EVC2: variants seen among roughly 807,000 people sequenced by gnomAD.
The protein encoded by EVC2 is EvC ciliary complex subunit 2, also known as limbin.
In EVC2, 148 loss-of-function variants were observed where a neutral mutation model predicts 149.3. That is an observed-to-expected ratio of 0.99 (90% CI 0.87 to 1.14). The LOEUF (loss-of-function observed/expected upper bound fraction) is 1.14, where lower values mean the gene tolerates loss of function less well. EVC2 is among the 50% of genes most tolerant of loss of function. EVC2 has a pLI of 0.00. For synonymous variants in EVC2, 776 were observed against 649.9 expected, an observed-to-expected ratio of 1.19 and a Z score of -2.95; for missense variants, 1,854 against 1,627.3, an observed-to-expected ratio of 1.14 and a Z score of -2.40.
Position 5,657,151 on chromosome 4 carries a change from CG to C in EVC2, c.1145+5955del, listed in dbSNP as rs1560201577. The stretch of plus-strand genomic sequence containing the variant: ...GGCAGGGAGGCCCACCAGCCTCACA[CG>C]GGCACTCCATGTTGCTCAGCAAGTC... On this transcript the variant is annotated intron_variant, in intron 9 of 21. Coordinates refer to ENST00000344408, the MANE Select transcript of EVC2 (RefSeq NM_147127.5). The surrounding 1 kb of genome is among the most constrained non-coding windows in gnomAD (Gnocchi z 4.7). Among the ~76,000 whole-genome samples, 1 of 152,166 alleles carries C rather than the reference CG, an allele frequency of 6.6e-6. No individual in the cohort carries two copies. Among genetic ancestry groups the C allele is most frequent in the African/African-American group, 2.4e-5 (1 of 41,452 alleles).
chr4:5,656,685 G>C (rs1049333408), intron 9 of EVC2, among the ~76,000 whole-genome samples: 13 of 152,178 alleles, frequency 8.5e-5, no homozygotes, highest in Admixed American at 2.6e-4. Context: ...AGCTGGAAGA[G>C]ACAGGAACAA....
intron 6 of EVC2, among the ~76,000 whole-genome samples, chr4:5,682,430 C>T (rs1670112794): frequency 6.6e-6 from 1 of 150,544 alleles, no homozygotes; most frequent in African/African-American, 2.5e-5. Context: ...GAGGAGGTTG[C>T]AGTGAGCTGA....
At position 5,569,476 on chromosome 4, in the gene EVC2, G is replaced by A. The variant is rs1245685930; in HGVS notation, c.3361-836C>T. 6.6e-6 allele frequency among the ~76,000 whole-genome samples: 1 copy of A among 152,192 alleles called. No homozygotes were observed. Among genetic ancestry groups the A allele is most frequent in the East Asian group, 1.9e-4 (1 of 5,194 alleles). On this transcript the variant is annotated intron_variant, in intron 19 of 21. Transcript: ENST00000344408. This position sits in a 1 kb window ranked among gnomAD's most constrained non-coding sequence, Gnocchi z 4.8. ...CTCTATACTAGCTTTGTAACTTCTT[G>A]TGAATCTAAAATAACTTCAAAATTA...
chr4:5,684,415 G>A (rs914187994), intron 6 of EVC2, among the ~76,000 whole-genome samples: 10 of 152,220 alleles, frequency 6.6e-5, no homozygotes, highest in African/African-American at 2.4e-4. Context: ...ATTCTGTTAT[G>A]TGACCTGGGG....
intron 8 of EVC2, among the ~76,000 whole-genome samples, chr4:5,664,659 C>T (rs1171916646): frequency 1.3e-5 from 2 of 152,144 alleles, no homozygotes; most frequent in African/African-American, 4.8e-5. Context: ...CAACAGGCTC[C>T]TCACCCAGGC....
rs570081254 is a variant in EVC2 at position 5,614,674 on chromosome 4, C to T, written c.2829+748G>A. 9.9e-5 allele frequency among the ~76,000 whole-genome samples: 15 copies of T among 152,240 alleles called. No individual in the cohort carries two copies. The highest frequency in any genetic ancestry group is 3.6e-4 in the African/African-American group (15 of 41,556). On this transcript the variant is annotated intron_variant, in intron 16 of 21. Coordinates refer to ENST00000344408, the MANE Select transcript of EVC2 (RefSeq NM_147127.5). The surrounding 1 kb of genome is among the most constrained non-coding windows in gnomAD (Gnocchi z 4.7). ...GGAGACTGTGTGGTGTGTGCTAGAA[C>T]ATCACGTATGAAATGGGGCTGGGCC...
intron 16 of EVC2, among the ~76,000 whole-genome samples, chr4:5,596,931 A>C (rs1577136534): frequency 6.6e-6 from 1 of 152,222 alleles, no homozygotes; most frequent in African/African-American, 2.4e-5. Context: ...AGAATACTAC[A>C]AACACCTCTA....
chr4:5,631,873 G>A lies in EVC2; in HGVS notation c.1630C>T (p.Gln544Ter). The A allele has an allele frequency of 6.2e-7, 1 of 1,614,190 alleles. No individual in the cohort carries two copies. The highest frequency in any genetic ancestry group is 8.5e-7 in the Non-Finnish European group (1 of 1,180,026). Residue 544 changes from glutamine (Q) to a stop codon, truncating the protein, a stop_gained, in exon 11 of 22, where the codon CAG (glutamine) becomes TAG (stop). Transcript: ENST00000344408. LOFTEE classifies it high-confidence loss of function. ...RNELHSIFFT[Q>*]IKSAIFKGEL... The stretch of plus-strand genomic sequence containing the variant: ...CCTTTGAAAATAGCACTTTTTATCT[G>A]GGTAAAAAAGATACTGTGCAGTTCA...
At chr4:5,539,195 A>G (rs1721469640), downstream of EVC2, among the ~76,000 whole-genome samples, 1 of 152,220 alleles carries the variant, frequency 6.6e-6, no homozygotes, top group Non-Finnish European at 1.5e-5. Flanking sequence ...CAGTGTGATT[A>G]CTAGTAGTAT....
intron 1 of EVC2, among the ~76,000 whole-genome samples, chr4:5,701,510 C>T (rs1577274656): frequency 6.6e-6 from 1 of 152,160 alleles, no homozygotes; most frequent in African/African-American, 2.4e-5. Flanking sequence ...AGAGGCCACA[C>T]GTTGTCCGGC....
chr4:5,697,544 G>C lies in EVC2; in HGVS notation c.283+49C>G, dbSNP rs759495016. The C allele has an allele frequency of 6.3e-6, 10 of 1,592,902 alleles. No homozygotes were observed. In the Admixed American group the frequency reaches 1.5e-4, roughly 24 times the overall value. ...GGAGGAAGGAGGGCTTCAGGCTTCT[G>C]GTTTTTCATGCTCAAAACAGGGGAA... On this transcript the variant is annotated intron_variant, in intron 2 of 21. Transcript: ENST00000344408.
downstream of EVC2, among the ~76,000 whole-genome samples, chr4:5,539,870 T>C (rs1205645330): frequency 6.6e-6 from 1 of 152,094 alleles, no homozygotes; most frequent in African/African-American, 2.4e-5. Context: ...AAGAAAAAGT[T>C]GACAAATTGG....
chr4:5,538,275 GT>G (rs1721456703), downstream of EVC2, among the ~76,000 whole-genome samples: 1 of 152,068 alleles, frequency 6.6e-6, no homozygotes, highest in Admixed American at 6.5e-5. Flanking sequence ...ATTACCAACT[GT>G]TATTTAAGAA....
chr4:5,673,766 T>A (rs1373691903), intron 7 of EVC2, among the ~76,000 whole-genome samples: 2 of 152,232 alleles, frequency 1.3e-5, no homozygotes, highest in African/African-American at 4.8e-5. Context: ...TACAAAAGCA[T>A]GATGAAGAAT....
At chr4:5,559,215 A>T (rs1721894473), downstream of EVC2, among the ~76,000 whole-genome samples, 1 of 152,174 alleles carries the variant, frequency 6.6e-6, no homozygotes, top group South Asian at 2.1e-4. This position sits in a 1 kb window ranked among gnomAD's most constrained non-coding sequence, Gnocchi z 5.0. Flanking sequence ...TCTCAAAAAA[A>T]TAATAAAAAA....
rs115889194 is a variant in EVC2 at position 5,588,898 on chromosome 4, T to C, written c.2830-4048A>G. Among the ~76,000 whole-genome samples, 1,350 of 152,364 alleles carry C rather than the reference T, an allele frequency of 8.9e-3. 18 individuals carry two copies. The highest frequency in any genetic ancestry group is 0.03 in the African/African-American group (1,265 of 41,594). On this transcript the variant is annotated intron_variant, in intron 16 of 21. Coordinates refer to ENST00000344408, the MANE Select transcript of EVC2 (RefSeq NM_147127.5). ...TTGGTGATGCCCTTGAGCAGTACAA[T>C]ATAAATAACTCCCACAAGCTTAGCA...
chr4:5,631,709 C>A, intron 11 of EVC2, 84 bp downstream of exon 11: 1 of 1,566,122 alleles, frequency 6.4e-7, no homozygotes, highest in Non-Finnish European at 8.7e-7. Context: ...AAAGGAGAGG[C>A]AGGACTGAAC....
At chr4:5,666,961 T>C (rs11730653) in intron 7 of EVC2, among the ~76,000 whole-genome samples, 103,121 of 152,000 alleles carry the variant, frequency 0.68, 35,555 homozygotes, top group East Asian at 0.75. Flanking sequence ...AAGATGTTGA[T>C]GGTGCCATTC....
rs1328389816 is a variant in EVC2, at chr4:5,625,830, C to T, written c.1965G>A (p.Lys655=). 6.2e-7 allele frequency: 1 copy of T among 1,614,090 alleles called. No individual in the cohort carries two copies. The highest frequency in any genetic ancestry group is 8.5e-7 in the Non-Finnish European group (1 of 1,180,036). ...TTTCCTGCTTTAAGTCATTGTCCAA[C>T]TTCTGCTTGATTGAAAAGACTTCTG... ...AQTEVFSIKQ[K]LDNDLKQEKK... Residue 655 remains lysine, a synonymous_variant, in exon 13 of 22, where the codon AAG becomes AAA. Transcript: ENST00000344408. The surrounding 1 kb of genome is among the most constrained non-coding windows in gnomAD (Gnocchi z 4.0).
Sources: allele counts gnomAD v4.1 joint callset (sites outside exome capture counted in the v4.1 genomes callset), GRCh38; gene constraint gnomAD v4.1.1; non-coding constraint Gnocchi (gnomAD v3.1); transcripts MANE v1.5; gene names NCBI Gene and HGNC (gene_info 2026-07-23, HGNC 2026-07-21).